The following MECOM variants were observed in gnomAD, a reference collection of about 807,000 sequenced individuals.
The protein encoded by MECOM is MDS1 and EVI1 complex locus, also known as histone-lysine N-methyltransferase MECOM.
A neutral mutation model predicts 116.3 loss-of-function variants in MECOM; 13 were observed. That is an observed-to-expected ratio of 0.11 (90% CI 0.07 to 0.18). The LOEUF is 0.18. MECOM is among the 10% of genes least tolerant of loss of function. MECOM has a pLI of 1.00. For missense variants in MECOM, 1,299 were observed against 1,509.0 expected (o/e 0.86, Z 2.31); for synonymous variants, 528 against 535.2 (o/e 0.99, Z 0.19).
chr3:169,572,520 T>G (rs976640760), intron 1 of MECOM, among the ~76,000 whole-genome samples: 2 of 152,222 alleles, frequency 1.3e-5, no homozygotes, highest in African/African-American at 4.8e-5. Flanking sequence ...TACATTATTC[T>G]GCTATAAAGA....
intron 1 of MECOM, among the ~76,000 whole-genome samples, chr3:169,552,056 T>TG (rs150947974): frequency 0.074 from 11,193 of 151,996 alleles, 887 homozygotes; most frequent in African/African-American, 0.2. Context: ...AAGTAACTGC[T>TG]AACAGGTAAA....
rs190703647 is a variant in MECOM at position 169,365,137 on chromosome 3, G to A, written c.375+16050C>T. On this transcript the variant is annotated intron_variant, in intron 2 of 16. Coordinates refer to ENST00000651503, the MANE Select transcript of MECOM (RefSeq NM_004991.4). ...GCTCTAGGCAAGTGTTAGACATACC[G>A]CTGACCCTTCTCAATCCTGGGGCTC... is the stretch of plus-strand genomic sequence containing the variant. Among the ~76,000 whole-genome samples the A allele has an allele frequency of 7.9e-5, 12 of 152,014 alleles. No homozygotes were observed. In the East Asian group the frequency reaches 2.0e-3, roughly 25 times the overall value.
rs115959293 is a variant in MECOM at position 169,180,283 on chromosome 3, T to C, written c.376-36451A>G. On this transcript the variant is annotated intron_variant, in intron 2 of 16. Transcript: ENST00000651503. Reference sequence around the variant, plus strand: ...CATTTTTGATTTATCGTGGCTAGACTTGGTTGGCACTAAATGAAAAGGTTT... The same window carrying C: ...CATTTTTGATTTATCGTGGCTAGACCTGGTTGGCACTAAATGAAAAGGTTT... Among the ~76,000 whole-genome samples, 610 of 152,252 alleles carry C rather than the reference T, an allele frequency of 4.0e-3. 4 individuals are homozygous for C. Among genetic ancestry groups the C allele is most frequent in the African/African-American group, 0.014 (576 of 41,550 alleles).
intron 2 of MECOM, among the ~76,000 whole-genome samples, chr3:169,190,211 T>C (rs1747327890): frequency 6.6e-6 from 1 of 152,028 alleles, no homozygotes; most frequent in Non-Finnish European, 1.5e-5. Context: ...AATATAAATA[T>C]AATCTAAATC....
At chr3:169,407,962 G>C in intron 1 of MECOM, among the ~76,000 whole-genome samples, 1 of 151,964 alleles carries the variant, frequency 6.6e-6, no homozygotes, top group Non-Finnish European at 1.5e-5. Context: ...GATCATGTTT[G>C]GGAAAATTCC....
At chr3:169,514,258 C>T (rs1004053290) in intron 1 of MECOM, among the ~76,000 whole-genome samples, 1 of 151,400 alleles carries the variant, frequency 6.6e-6, no homozygotes, top group African/African-American at 2.4e-5. Context: ...GGAAAAGACA[C>T]ACTAACACAA....
intron 2 of MECOM, among the ~76,000 whole-genome samples, chr3:169,269,879 G>A (rs1758725968): frequency 6.6e-6 from 1 of 152,078 alleles, no homozygotes; most frequent in African/African-American, 2.4e-5. Context: ...GAGTAGGTTT[G>A]TGTTATGGCA....
intron 2 of MECOM, among the ~76,000 whole-genome samples, chr3:169,273,699 A>G (rs1759233887): frequency 1.3e-5 from 2 of 152,012 alleles, no homozygotes; most frequent in Non-Finnish European, 2.9e-5. Context: ...TCAACATTCT[A>G]CCCACTTCTG....
chr3:169,195,512 AT>A (rs1315262197), intron 2 of MECOM, among the ~76,000 whole-genome samples: 2 of 152,084 alleles, frequency 1.3e-5, no homozygotes, highest in African/African-American at 4.8e-5. Flanking sequence ...GCTCACAATC[AT>A]TTCTTGTTAG....
chr3:169,217,710 G>A (rs1751585529), intron 2 of MECOM, among the ~76,000 whole-genome samples: 1 of 151,962 alleles, frequency 6.6e-6, no homozygotes, highest in African/African-American at 2.4e-5. Flanking sequence ...CTTGAACCCA[G>A]GAGGTGGAGA....
chr3:169,658,840 C>T (rs1159308356), intron 1 of MECOM, among the ~76,000 whole-genome samples: 1 of 152,082 alleles, frequency 6.6e-6, no homozygotes, highest in East Asian at 1.9e-4. Context: ...CGCCCGCTTC[C>T]AGCGGAGGCA....
intron 2 of MECOM, among the ~76,000 whole-genome samples, chr3:169,283,599 A>G (rs1357487111): frequency 3.9e-5 from 6 of 152,166 alleles, no homozygotes; most frequent in Non-Finnish European, 7.4e-5. Flanking sequence ...TCTCATCTCC[A>G]GAATTTCTGG....
chr3:169,635,562 G>A (rs1772632214), intron 1 of MECOM, among the ~76,000 whole-genome samples: 1 of 152,188 alleles, frequency 6.6e-6, no homozygotes, highest in Non-Finnish European at 1.5e-5. Flanking sequence ...AGTTTTCTCT[G>A]CATTTCCACA....
chr3:169,556,784 A>G (rs1254276499), intron 1 of MECOM, among the ~76,000 whole-genome samples: 1 of 152,188 alleles, frequency 6.6e-6, no homozygotes, highest in Non-Finnish European at 1.5e-5. Context: ...ATGAGCTTGG[A>G]AGCATATGTT....
At chr3:169,561,619 C>A (rs1373746978) in intron 1 of MECOM, among the ~76,000 whole-genome samples, 1 of 152,060 alleles carries the variant, frequency 6.6e-6, no homozygotes, top group Non-Finnish European at 1.5e-5. Flanking sequence ...ACGATAATGA[C>A]AACTTTGGAA....
chr3:169,390,015 A>G (rs553619863), intron 1 of MECOM, among the ~76,000 whole-genome samples: 4 of 152,170 alleles, frequency 2.6e-5, no homozygotes, highest in Non-Finnish European at 5.9e-5. Flanking sequence ...TGCCATTTGC[A>G]TTTGGAGAAA....
intron 2 of MECOM, among the ~76,000 whole-genome samples, chr3:169,205,195 A>G (rs533178534): frequency 3.4e-4 from 52 of 152,284 alleles, no homozygotes; most frequent in African/African-American, 1.2e-3. Context: ...ATGAATTTTT[A>G]TAAGTGAGTT....
chr3:169,457,397 G>C (rs992863720), intron 1 of MECOM, among the ~76,000 whole-genome samples: 1 of 152,148 alleles, frequency 6.6e-6, no homozygotes, highest in African/African-American at 2.4e-5. Flanking sequence ...AGCTCCAGGA[G>C]TGCAGATAAA....
intron 1 of MECOM, among the ~76,000 whole-genome samples, chr3:169,523,981 TACAC>T (rs1432500356): frequency 4.1e-5 from 6 of 147,478 alleles, no homozygotes; most frequent in Non-Finnish European, 8.9e-5. Flanking sequence ...TACACGCACA[TACAC>T]ATACATACCT....
Sources: gnomAD v4.1 joint callset for allele counts (sites outside exome capture counted in the v4.1 genomes callset) on GRCh38, gnomAD v4.1.1 for gene constraint, MANE v1.5 for transcripts, NCBI Gene and HGNC (gene_info 2026-07-23, HGNC 2026-07-21) for gene names.